SRCIN1: variants seen among roughly 807,000 people sequenced by gnomAD.
SRCIN1 encodes the protein SRC kinase signaling inhibitor 1, also known as P130Cas-associated protein.
Under a neutral mutation model 116.2 loss-of-function variants are expected in SRCIN1, and 50 were observed. That is an observed-to-expected ratio of 0.43 (90% CI 0.34 to 0.54). The LOEUF (loss-of-function observed/expected upper bound fraction) is 0.54, where lower values mean the gene tolerates loss of function less well. SRCIN1 is among the 20% of genes least tolerant of loss of function. The pLI, the probability that SRCIN1 is intolerant of heterozygous loss-of-function variation, is 0.02. For missense variants in SRCIN1, 1,446 were observed against 1,672.0 expected, an observed-to-expected ratio of 0.86 and a Z score of 2.36; for synonymous variants, 736 against 750.0, an observed-to-expected ratio of 0.98 and a Z score of 0.30.
intron 1 of SRCIN1, among the ~76,000 whole-genome samples, chr17:38,595,280 C>T (rs1186078564): frequency 6.6e-6 from 1 of 152,066 alleles, no homozygotes; most frequent in East Asian, 1.9e-4. Flanking sequence ...TGCGGTGGCG[C>T]AATCTCGGCT....
At position 38,533,318 on chromosome 17, in the gene SRCIN1, C is replaced by T. The variant is rs1470047784; in HGVS notation, c.3531G>A (p.Arg1177=). The T allele has an allele frequency of 1.9e-6, 3 of 1,577,184 alleles. No homozygotes were observed. In the Admixed American group the frequency reaches 5.6e-5, roughly 29 times the overall value. ...SIPVLTSFGA[R]NSSISF is the part of the protein sequence containing the mutation. ...GCTTCTAGAAGGAGATGGAAGAATT[C>T]CTTGCCCCAAAGGAAGTCAATACAG... The change falls in exon 19 of 19, where the codon AGG becomes AGA. Residue 1177 remains arginine, a synonymous_variant. Transcript: ENST00000617146.
intron 11 of SRCIN1, among the ~76,000 whole-genome samples, chr17:38,557,829 G>A (rs1905908732): frequency 6.6e-6 from 1 of 152,138 alleles, no homozygotes; most frequent in Non-Finnish European, 1.5e-5. Flanking sequence ...GAGCAGTGAC[G>A]GCACCTGAAC....
chr17:38,532,038 C>G lies in SRCIN1; in HGVS notation c.*1259G>C, dbSNP rs2040930024. 6.6e-6 allele frequency: 1 copy of G among 152,444 alleles called. No homozygotes were observed. Among genetic ancestry groups the G allele is most frequent in the Non-Finnish European group, 1.5e-5 (1 of 68,104 alleles). 9.4% of individuals were successfully genotyped at this position (152,444 alleles called of 1,614,324 possible). A position where few individuals can be genotyped will look rare whatever the true frequency, so the allele number is the denominator to read the frequency against. ...TTGGCCTCTCTCTGCCTCCCCAGGA[C>G]CCGGCCAAAAGCCAGGCGGCACTGC... On this transcript the variant is annotated 3_prime_UTR_variant, in exon 19 of 19. Transcript: ENST00000617146. This position sits in a 1 kb window ranked among gnomAD's most constrained non-coding sequence, Gnocchi z 4.3.
Position 38,558,431 on chromosome 17 carries a change from G to A in SRCIN1, c.2026-29C>T, listed in dbSNP as rs1207314925. 1.3e-6 allele frequency: 2 copies of A among 1,563,174 alleles called. No homozygotes were observed. The highest frequency in any genetic ancestry group is 1.4e-5 in the African/African-American group (1 of 73,414). On this transcript the variant is annotated intron_variant, in intron 10 of 18. Transcript: ENST00000617146. The surrounding 1 kb of genome is among the most constrained non-coding windows in gnomAD (Gnocchi z 4.6). ...CGGGACGCACGGACGGATGGACCCGGGTGGGGGGAGCGGAGCCGCGAGGCA... is the reference window on the plus strand; with the variant it reads ...CGGGACGCACGGACGGATGGACCCGAGTGGGGGGAGCGGAGCCGCGAGGCA...
intron 18 of SRCIN1, among the ~76,000 whole-genome samples, chr17:38,534,185 C>T (rs539440253): frequency 2.6e-5 from 4 of 152,288 alleles, no homozygotes; most frequent in Admixed American, 6.5e-5. Context: ...GGTGGACTCC[C>T]GCAACTCCAC....
At chr17:38,594,281 G>A (rs768552180) in intron 1 of SRCIN1, among the ~76,000 whole-genome samples, 5 of 152,194 alleles carry the variant, frequency 3.3e-5, no homozygotes, top group African/African-American at 9.7e-5. Flanking sequence ...GAGCAGTGTC[G>A]TTGCTCTTTT....
In SRCIN1 at chr17:38,605,721, G is replaced by A; in HGVS notation, c.-16C>T. On this transcript the variant is annotated 5_prime_UTR_variant, in exon 1 of 19. Coordinates refer to ENST00000617146, the MANE Select transcript of SRCIN1 (RefSeq NM_025248.3). ...CGTTCCCCATCGGGCGGGGGCGCGG[G>A]GGGCGGGGGCCCCGGGCCGGCCTGC... 8.4e-7 allele frequency: 1 copy of A among 1,194,164 alleles called. No homozygotes were observed. The highest frequency in any genetic ancestry group is 1.6e-5 in the African/African-American group (1 of 61,898). The allele number at this position is 1,194,164 out of a possible 1,614,324, so 74.0% of individuals were successfully genotyped here. A position where few individuals can be genotyped will look rare whatever the true frequency, so the allele number is the denominator to read the frequency against.
rs950415602 is a variant in SRCIN1 at position 38,552,650 on chromosome 17, G to A, written c.2333-56C>T. On this transcript the variant is annotated intron_variant, in intron 12 of 18. Transcript: ENST00000617146. This position sits in a 1 kb window ranked among gnomAD's most constrained non-coding sequence, Gnocchi z 5.3. ...CAGAGGGAGCACCACAGACTGGGAGGAGAGGATGGTGGCTGGAGTATGGCA... is the reference window on the plus strand; with the variant it reads ...CAGAGGGAGCACCACAGACTGGGAGAAGAGGATGGTGGCTGGAGTATGGCA... 1.9e-5 allele frequency: 31 copies of A among 1,613,000 alleles called. No individual in the cohort carries two copies. Among genetic ancestry groups the A allele is most frequent in the Non-Finnish European group, 2.5e-5 (30 of 1,179,806 alleles).
chr17:38,570,756 G>C (rs957194468), intron 2 of SRCIN1, among the ~76,000 whole-genome samples: 1 of 152,234 alleles, frequency 6.6e-6, no homozygotes, highest in Non-Finnish European at 1.5e-5. Flanking sequence ...ACATCCATGG[G>C]GCAGTCACCT....
chr17:38,579,780 C>T (rs879593637), intron 1 of SRCIN1, among the ~76,000 whole-genome samples: 2 of 152,210 alleles, frequency 1.3e-5, no homozygotes, highest in African/African-American at 2.4e-5. Context: ...CAGGCCCAGC[C>T]CTGCTGGCCC....
chr17:38,532,453 G>C lies in SRCIN1; in HGVS notation c.*844C>G, dbSNP rs1672058340. The stretch of plus-strand genomic sequence containing the variant: ...CTAAAAGTACCAAATACCCGTCCGG[G>C]CCGCCCTCTCCCAAGGCAGTGTCCC... On this transcript the variant is annotated 3_prime_UTR_variant, in exon 19 of 19. Transcript: ENST00000617146. The surrounding 1 kb of genome is among the most constrained non-coding windows in gnomAD (Gnocchi z 4.3). 1 of 152,690 alleles carries C rather than the reference G, an allele frequency of 6.5e-6. No homozygotes were observed. Among genetic ancestry groups the C allele is most frequent in the South Asian group, 2.1e-4 (1 of 4,830 alleles). The allele number at this position is 152,690 out of a possible 1,614,324, so 9.5% of individuals were successfully genotyped here.
Position 38,543,969 on chromosome 17 carries a change from T to C in SRCIN1, c.3271A>G (p.Ser1091Gly), listed in dbSNP as rs759054905. The C allele has an allele frequency of 3.2e-6, 5 of 1,580,932 alleles. No homozygotes were observed. The highest frequency in any genetic ancestry group is 4.3e-6 in the Non-Finnish European group (5 of 1,169,538). The change falls in exon 18 of 19, where the codon AGT becomes GGT. Residue 1091 changes from serine to glycine, a missense_variant and splice_region_variant. Physicochemically the swap from Ser to Gly is moderately conservative, Grantham distance 56. This residue lies in a region of SRCIN1 where 531 missense variants were observed against 633.9 expected (regional missense o/e 0.84). Transcript: ENST00000617146. ...DEDRIIAELE[S>G]GGGSVPPMKV... is the part of the protein sequence containing the mutation. The stretch of plus-strand genomic sequence containing the variant: ...ATGGGTGGTACACTGCCTCCGCCAC[T>C]CTGCAGGAAGAGGAACAGGGTTGCA...
chr17:38,581,093 C>A (rs1329840087), intron 1 of SRCIN1, among the ~76,000 whole-genome samples: 2 of 152,116 alleles, frequency 1.3e-5, no homozygotes, highest in East Asian at 3.9e-4. Flanking sequence ...CTTTGGCCTC[C>A]CAAAGTGCTG....
At chr17:38,581,428 A>T (rs1188301681) in intron 1 of SRCIN1, among the ~76,000 whole-genome samples, 1 of 143,204 alleles carries the variant, frequency 7.0e-6, no homozygotes, top group African/African-American at 2.9e-5. Context: ...AGAAAAAAGA[A>T]AAAAGAAAAA....
Position 38,605,706 on chromosome 17 carries a change from CGGGCGGGGGCGCGGG to C in SRCIN1, c.-16_-2del. On this transcript the variant is annotated 5_prime_UTR_variant, in exon 1 of 19. Coordinates refer to ENST00000617146, the MANE Select transcript of SRCIN1 (RefSeq NM_025248.3). Reference sequence around the variant, plus strand: ...TGCCTTGGGACGGAGCGTTCCCCATCGGGCGGGGGCGCGGGGGGCGGGGGCCCCGGGCCGGCCTGC... The same window carrying C: ...TGCCTTGGGACGGAGCGTTCCCCATCGGGCGGGGGCCCCGGGCCGGCCTGC... The C allele has an allele frequency of 2.8e-6, 3 of 1,075,030 alleles. No individual in the cohort carries two copies. Among genetic ancestry groups the C allele is most frequent in the South Asian group, 7.7e-5 (2 of 25,894 alleles). 66.6% of individuals were successfully genotyped at this position (1,075,030 alleles called of 1,614,324 possible).
rs1597870569 is a variant in SRCIN1 at position 38,531,130 on chromosome 17, C to G, written c.*2167G>C. ...CTCCCCCACAAAGGGACATTCAACT[C>G]AGGACAATGACGGTGGGGCACACAT... On this transcript the variant is annotated 3_prime_UTR_variant, in exon 19 of 19. Transcript: ENST00000617146. 1.3e-5 allele frequency: 2 copies of G among 152,694 alleles called. No individual in the cohort carries two copies. Among genetic ancestry groups the G allele is most frequent in the South Asian group, 2.1e-4 (1 of 4,824 alleles). 9.5% of individuals were successfully genotyped at this position (152,694 alleles called of 1,614,324 possible).
At chr17:38,591,096 C>A (rs1389162596) in intron 1 of SRCIN1, among the ~76,000 whole-genome samples, 2 of 152,212 alleles carry the variant, frequency 1.3e-5, no homozygotes, top group African/African-American at 4.8e-5. Flanking sequence ...TACTCGTAGC[C>A]TTCTTGTACC....
rs1021587775 is a variant in SRCIN1 at position 38,533,196 on chromosome 17, G to T, written c.*101C>A. 2.0e-5 allele frequency: 29 copies of T among 1,444,850 alleles called. No individual in the cohort carries two copies. In the African/African-American group the frequency reaches 4.0e-4, roughly 20 times the overall value. The allele number at this position is 1,444,850 out of a possible 1,614,324, so 89.5% of individuals were successfully genotyped here. The stretch of plus-strand genomic sequence containing the variant: ...CTCTTCAGGGCACACCCCTCAGGGC[G>T]TCTGGAGAGTAGGGTGGGGTGGGGT... On this transcript the variant is annotated 3_prime_UTR_variant, in exon 19 of 19. Transcript: ENST00000617146.
intron 16 of SRCIN1, 85 bp downstream of exon 16, chr17:38,548,971 T>G (rs1249277435): frequency 6.2e-6 from 9 of 1,450,232 alleles, no homozygotes; most frequent in Non-Finnish European, 7.4e-6. Flanking sequence ...GGGGTCTCTT[T>G]CCCACCCCAG....
Sources: gnomAD v4.1 joint callset for allele counts (sites outside exome capture counted in the v4.1 genomes callset) on GRCh38, gnomAD v4.1.1 for gene constraint, gnomAD v4.1.1 regional missense constraint, Gnocchi (gnomAD v3.1) non-coding constraint, MANE v1.5 for transcripts, NCBI Gene and HGNC (gene_info 2026-07-23, HGNC 2026-07-21) for gene names.